CDKL4: variants seen among roughly 807,000 people sequenced by gnomAD.
The protein encoded by CDKL4 is cyclin dependent kinase like 4.
In CDKL4, 44 loss-of-function variants were observed where a neutral mutation model predicts 42.0. The observed-to-expected ratio is 1.05, with a 90% CI of 0.82 to 1.35. CDKL4 has a LOEUF of 1.35. CDKL4 is among the 40% of genes most tolerant of loss of function. CDKL4 has a pLI of 0.00. For synonymous variants in CDKL4, 120 were observed against 121.6 expected (o/e 0.99, Z 0.09); for missense variants, 393 against 369.9 (o/e 1.06, Z -0.51).
chr2:39,209,206 G>A (rs1291936300), intron 4 of CDKL4, among the ~76,000 whole-genome samples: 1 of 151,868 alleles, frequency 6.6e-6, no homozygotes, highest in African/African-American at 2.4e-5. Flanking sequence ...CAGTTCCTTG[G>A]GAGGCTAAGG....
chr2:39,224,872 C>T (rs560815695), intron 3 of CDKL4, among the ~76,000 whole-genome samples: 30 of 152,220 alleles, frequency 2.0e-4, no homozygotes, highest in Admixed American at 4.6e-4. Flanking sequence ...TTATAGGGGT[C>T]GCTGTACTGA....
chr2:39,224,498 ATTTTTTT>A (rs1171458286), intron 3 of CDKL4, among the ~76,000 whole-genome samples: 1 of 132,626 alleles, frequency 7.5e-6, no homozygotes, highest in Non-Finnish European at 1.6e-5. Context: ...TTCTCCACTA[ATTTTTTT>A]TTTTTTTTTT....
chr2:39,194,351 G>A (rs941451737), intron 5 of CDKL4, among the ~76,000 whole-genome samples: 1 of 152,166 alleles, frequency 6.6e-6, no homozygotes, highest in Non-Finnish European at 1.5e-5. Context: ...TAGTATATCT[G>A]TTGTCCCAAC....
intron 5 of CDKL4, among the ~76,000 whole-genome samples, chr2:39,203,864 T>C (rs1291055387): frequency 6.6e-6 from 1 of 152,210 alleles, no homozygotes; most frequent in Non-Finnish European, 1.5e-5. Flanking sequence ...TCGGGTTTTG[T>C]TTTTGCCCAA....
At chr2:39,205,807 T>C (rs1207280490) in intron 4 of CDKL4, among the ~76,000 whole-genome samples, 1 of 147,360 alleles carries the variant, frequency 6.8e-6, no homozygotes, top group Non-Finnish European at 1.5e-5. Context: ...GAGGGGCCTA[T>C]TAATAATCAT....
downstream of CDKL4, among the ~76,000 whole-genome samples, chr2:39,172,774 G>T (rs966772639): frequency 1.3e-5 from 2 of 152,070 alleles, no homozygotes; most frequent in African/African-American, 4.8e-5. Flanking sequence ...TAGAGATGGG[G>T]TTTTACCATG....
intron 4 of CDKL4, among the ~76,000 whole-genome samples, chr2:39,210,431 A>G (rs561828000): frequency 1.3e-5 from 2 of 152,308 alleles, no homozygotes; most frequent in South Asian, 2.1e-4. Flanking sequence ...GTTTGGCTCC[A>G]CTGGAAATAG....
At chr2:39,204,486 A>G in intron 5 of CDKL4, 41 bp downstream of exon 5, 1 of 1,058,912 alleles carries the variant, frequency 9.4e-7, no homozygotes, top group South Asian at 1.3e-5. Context: ...TCATTTTATC[A>G]TCATCTGAAC....
intron 6 of CDKL4, among the ~76,000 whole-genome samples, chr2:39,188,537 G>A (rs1479062985): frequency 8.6e-6 from 1 of 115,620 alleles, no homozygotes; most frequent in Non-Finnish European, 1.6e-5. Flanking sequence ...ACTCCAGCCT[G>A]GCAACAGAGT....
At chr2:39,220,857 G>A (rs546048883) in intron 3 of CDKL4, among the ~76,000 whole-genome samples, 6 of 151,808 alleles carry the variant, frequency 4.0e-5, no homozygotes, top group East Asian at 1.9e-4. Context: ...AAAGTGCTGG[G>A]ATTACAGGCA....
chr2:39,228,589 C>T (rs910582998), intron 2 of CDKL4, among the ~76,000 whole-genome samples: 7 of 152,194 alleles, frequency 4.6e-5, no homozygotes, highest in African/African-American at 9.7e-5. Context: ...AGCTTCCGCA[C>T]TTCCTGCGTA....
intron 4 of CDKL4, among the ~76,000 whole-genome samples, chr2:39,206,789 C>A (rs534903938): frequency 6.6e-6 from 1 of 152,310 alleles, no homozygotes; most frequent in South Asian, 2.1e-4. Context: ...ATTAAGTGTC[C>A]ATTAAGTGTC....
chr2:39,186,706 T>A (rs1475776056), intron 7 of CDKL4, among the ~76,000 whole-genome samples: 1 of 152,162 alleles, frequency 6.6e-6, no homozygotes, highest in Non-Finnish European at 1.5e-5. Context: ...AGCTTTTGAT[T>A]GATTTGAGCT....
intron 5 of CDKL4, among the ~76,000 whole-genome samples, chr2:39,191,928 C>T (rs1016121240): frequency 3.3e-5 from 5 of 152,212 alleles, no homozygotes; most frequent in Admixed American, 2.6e-4. Context: ...TTAGTAAAGT[C>T]GTCAGGTAGC....
chr2:39,187,928 C>T (rs539194271), intron 6 of CDKL4, among the ~76,000 whole-genome samples: 4 of 151,626 alleles, frequency 2.6e-5, no homozygotes, highest in Non-Finnish European at 5.9e-5. Flanking sequence ...ATTAGCCAAG[C>T]GTGGTGGTCC....
At chr2:39,210,380 C>A (rs1045382863) in intron 4 of CDKL4, among the ~76,000 whole-genome samples, 1 of 152,068 alleles carries the variant, frequency 6.6e-6, no homozygotes, top group East Asian at 1.9e-4. Context: ...CGTGTTGTTC[C>A]AAGCACAGAA....
intron 1 of CDKL4, among the ~76,000 whole-genome samples, chr2:39,242,829 GGC>G (rs1475158831): frequency 6.6e-6 from 1 of 152,116 alleles, no homozygotes; most frequent in African/African-American, 2.4e-5. Context: ...CGGGCGTGGT[GGC>G]TCACACCTGT....
chr2:39,183,012 T>A (rs1675529441), intron 8 of CDKL4, among the ~76,000 whole-genome samples: 1 of 152,216 alleles, frequency 6.6e-6, no homozygotes, highest in Non-Finnish European at 1.5e-5. Flanking sequence ...CTGGGCACAG[T>A]GGCTTACGCC....
chr2:39,213,373 A>G, intron 4 of CDKL4, 27 bp downstream of exon 4: 1 of 1,388,972 alleles, frequency 7.2e-7, no homozygotes, highest in Non-Finnish European at 1.0e-6. Context: ...GAAGAAATGA[A>G]TAAATACATT....
Sources: allele counts gnomAD v4.1 joint callset (sites outside exome capture counted in the v4.1 genomes callset), GRCh38; gene constraint gnomAD v4.1.1; transcripts MANE v1.5; gene names NCBI Gene and HGNC (gene_info 2026-07-23, HGNC 2026-07-21).